Variants in STIM2 observed in about 807,000 individuals in gnomAD.
STIM2 encodes stromal interaction molecule 2.
In STIM2, 31 loss-of-function variants were observed where a neutral mutation model predicts 85.8. The ratio of observed to expected loss-of-function variants is 0.36; its 90% CI spans 0.27 to 0.49. The LOEUF (loss-of-function observed/expected upper bound fraction) is 0.49, where lower values mean the gene tolerates loss of function less well. STIM2 is among the 20% of genes least tolerant of loss of function. The pLI is 0.98. For missense variants in STIM2, 841 were observed against 927.6 expected (o/e 0.91, Z 1.21); for synonymous variants, 356 against 331.1 (o/e 1.08, Z -0.82).
At chr4:26,954,013 G>C (rs1726152081) in intron 2 of STIM2, among the ~76,000 whole-genome samples, 2 of 118,976 alleles carry the variant, frequency 1.7e-5, no homozygotes, top group Admixed American at 8.3e-5. Context: ...GATTGAGAGG[G>C]GGTGACTAGA....
Position 27,002,964 on chromosome 4 carries a change from G to A in STIM2, c.841G>A (p.Val281Ile), listed in dbSNP as rs762990114. 1.5e-5 allele frequency: 24 copies of A among 1,597,090 alleles called. No homozygotes were observed. Among genetic ancestry groups the A allele is most frequent in the Non-Finnish European group, 3.4e-6 (4 of 1,174,204 alleles). The change falls in exon 7 of 12, where the codon GTA becomes ATA. Residue 281 changes from valine (V) to isoleucine (I), a missense_variant. Coordinates refer to ENST00000467087, the MANE Select transcript of STIM2 (RefSeq NM_020860.4). Reference sequence around the variant, plus strand: ...ACAGGAAGAAAACAGAAATGTTGCTGTAGAAAAGCAAAATTTAGAGCGCAA... The same window carrying A: ...ACAGGAAGAAAACAGAAATGTTGCTATAGAAAAGCAAAATTTAGAGCGCAA...
intron 1 of STIM2, among the ~76,000 whole-genome samples, chr4:26,866,752 G>A (rs1277906762): frequency 1.3e-5 from 2 of 152,072 alleles, no homozygotes; most frequent in African/African-American, 2.4e-5. Context: ...GAGACATCCA[G>A]GACAAATATG....
At chr4:26,957,764 G>C (rs778585166) in intron 3 of STIM2, 38 bp downstream of exon 3, 63 of 1,294,800 alleles carry the variant, frequency 4.9e-5, no homozygotes, top group Admixed American at 2.0e-4. Context: ...CTCCCCTTCT[G>C]CACATCTAGC....
chr4:27,009,242 G>A (rs888726632), intron 10 of STIM2, among the ~76,000 whole-genome samples: 2 of 151,974 alleles, frequency 1.3e-5, no homozygotes, highest in Non-Finnish European at 2.9e-5. Context: ...AAAGAAATCT[G>A]AATGCTTTAT....
In STIM2 at chr4:27,022,957, A is replaced by T; in HGVS notation, c.2202A>T (p.Pro734=). 1 of 1,613,658 alleles carries T rather than the reference A, an allele frequency of 6.2e-7. No individual in the cohort carries two copies. Among genetic ancestry groups the T allele is most frequent in the Non-Finnish European group, 8.5e-7 (1 of 1,179,970 alleles). The change falls in exon 12 of 12, where the codon CCA becomes CCT. Residue 734 remains proline, a synonymous_variant. Transcript: ENST00000467087. ...ATAATGGAGAGAAAAGCAAAAAGCC[A>T]TCAAAAATCAAAAGCCTTTTTAAGA...
intron 1 of STIM2, among the ~76,000 whole-genome samples, chr4:26,869,681 T>A (rs557751608): frequency 1.3e-5 from 2 of 151,944 alleles, no homozygotes; most frequent in Non-Finnish European, 2.9e-5. Flanking sequence ...AGATGGCTAA[T>A]TAAAAAAAAC....
At chr4:26,976,612 A>C (rs930798767) in intron 3 of STIM2, among the ~76,000 whole-genome samples, 2 of 152,022 alleles carry the variant, frequency 1.3e-5, no homozygotes, top group African/African-American at 4.8e-5. Context: ...GTTTGAGACC[A>C]GCCTGGCCAA....
chr4:27,006,858 A>G, intron 7 of STIM2, among the ~76,000 whole-genome samples: 1 of 152,342 alleles, frequency 6.6e-6, no homozygotes, highest in East Asian at 1.9e-4. Context: ...GCAGATGTTC[A>G]CTTAGCTAGT....
At chr4:26,883,895 T>C (rs917328841) in intron 1 of STIM2, among the ~76,000 whole-genome samples, 4 of 152,232 alleles carry the variant, frequency 2.6e-5, no homozygotes, top group Non-Finnish European at 5.9e-5. Flanking sequence ...TTTCATATTA[T>C]ATAGCCATGA....
chr4:26,960,873 G>T (rs1434357053), intron 3 of STIM2, among the ~76,000 whole-genome samples: 1 of 152,052 alleles, frequency 6.6e-6, no homozygotes, highest in African/African-American at 2.4e-5. Flanking sequence ...AGACCAGCCT[G>T]GCCAACATGG....
At chr4:26,942,133 A>G (rs1042716286) in intron 2 of STIM2, among the ~76,000 whole-genome samples, 2 of 152,008 alleles carry the variant, frequency 1.3e-5, no homozygotes, top group Non-Finnish European at 1.5e-5. Flanking sequence ...TTTTTCTCTC[A>G]CTGTCTGTGT....
chr4:26,923,126 C>T (rs527752577), intron 2 of STIM2, among the ~76,000 whole-genome samples: 71 of 151,456 alleles, frequency 4.7e-4, no homozygotes, highest in African/African-American at 1.6e-3. Context: ...ACTGACACGT[C>T]ACACGGCAGG....
Position 26,868,818 on chromosome 4 carries a change from C to G in STIM2, c.151+7449C>G, listed in dbSNP as rs181522474. 4.4e-3 allele frequency among the ~76,000 whole-genome samples: 671 copies of G among 152,190 alleles called. 8 individuals are homozygous for G. Among genetic ancestry groups the G allele is most frequent in the African/African-American group, 0.016 (650 of 41,500 alleles). On this transcript the variant is annotated intron_variant, in intron 1 of 11. Coordinates refer to ENST00000467087, the MANE Select transcript of STIM2 (RefSeq NM_020860.4). ...TAATTTTTGCTCTGTTTCCCTGATG[C>G]CTTGAACCATTGTCATGTTTAGCTC...
intron 2 of STIM2, among the ~76,000 whole-genome samples, chr4:26,948,428 A>T (rs1560216654): frequency 6.6e-6 from 1 of 152,220 alleles, no homozygotes; most frequent in Non-Finnish European, 1.5e-5. Context: ...GAACTGGCAG[A>T]CCGTGACATG....
At chr4:26,909,448 G>A (rs1173988850) in intron 1 of STIM2, among the ~76,000 whole-genome samples, 1 of 152,152 alleles carries the variant, frequency 6.6e-6, no homozygotes, top group Non-Finnish European at 1.5e-5. Flanking sequence ...TCTCTATGGA[G>A]TATTCAACCT....
Position 26,873,714 on chromosome 4 carries a change from C to T in STIM2, c.151+12345C>T, listed in dbSNP as rs1722712608. ...CTTCATCCAGCTCTTGGGACAGCTT[C>T]TGGAGATGCTGAATTTCTGCCTCCA... On this transcript the variant is annotated intron_variant, in intron 1 of 11. Transcript: ENST00000467087. 5.9e-6 allele frequency: 5 copies of T among 848,660 alleles called. No homozygotes were observed. The East Asian group carries it at 1.1e-4, about 19-fold the overall frequency. The allele number at this position is 848,660 out of a possible 1,614,324, so 52.6% of individuals were successfully genotyped here.
chr4:26,876,766 A>G (rs1341094216), intron 1 of STIM2, among the ~76,000 whole-genome samples: 1 of 152,030 alleles, frequency 6.6e-6, no homozygotes, highest in Non-Finnish European at 1.5e-5. Flanking sequence ...ATTGGATTAT[A>G]CTTTACAGTT....
At chr4:26,933,827 G>A (rs1408514080) in intron 2 of STIM2, among the ~76,000 whole-genome samples, 1 of 151,190 alleles carries the variant, frequency 6.6e-6, no homozygotes, top group African/African-American at 2.4e-5. Context: ...TATAAGTAGT[G>A]TGTATGGATA....
chr4:26,909,797 A>G (rs1292433142), intron 1 of STIM2, among the ~76,000 whole-genome samples: 1 of 152,240 alleles, frequency 6.6e-6, no homozygotes, highest in Non-Finnish European at 1.5e-5. Context: ...TTCCAAAACA[A>G]CACAAAATAA....
Sources: allele counts gnomAD v4.1 joint callset (sites outside exome capture counted in the v4.1 genomes callset), GRCh38; gene constraint gnomAD v4.1.1; transcripts MANE v1.5; gene names NCBI Gene and HGNC (gene_info 2026-07-23, HGNC 2026-07-21).